EPC1: variants seen among roughly 807,000 people sequenced by gnomAD.
EPC1 encodes the protein enhancer of polycomb 1, also known as enhancer of polycomb homolog 1.
EPC1 carries 12 observed loss-of-function variants against 98.4 expected under a neutral mutation model. The observed-to-expected ratio is 0.12, with a 90% CI of 0.08 to 0.20. EPC1 has a LOEUF of 0.20. EPC1 is among the 10% of genes least tolerant of loss of function. The pLI, the probability that EPC1 is intolerant of heterozygous loss-of-function variation, is 1.00. For synonymous variants in EPC1, 357 were observed against 363.9 expected, an observed-to-expected ratio of 0.98 and a Z score of 0.21; for missense variants, 729 against 990.5, an observed-to-expected ratio of 0.74 and a Z score of 3.54.
chr10:32,335,578 CTTT>C (rs1316279996), intron 1 of EPC1, among the ~76,000 whole-genome samples: 8 of 152,092 alleles, frequency 5.3e-5, no homozygotes, highest in African/African-American at 1.4e-4. Context: ...CCCATTTCTT[CTTT>C]GTTGTCCCTT....
chr10:32,317,893 T>C (rs1245806571), intron 1 of EPC1, among the ~76,000 whole-genome samples: 2 of 152,206 alleles, frequency 1.3e-5, no homozygotes, highest in African/African-American at 4.8e-5. Context: ...GTTATTTCTC[T>C]TCAGTGTGAA....
Position 32,268,226 on chromosome 10 carries a change from G to A in EPC1, c.*837C>T, listed in dbSNP as rs886635858. On this transcript the variant is annotated 3_prime_UTR_variant, in exon 14 of 14. Transcript: ENST00000319778. ...TTGCATACTTGATTTAACACTTTTT[G>A]GTGTGGAAGGAAATGGGACTACTGG... is the stretch of plus-strand genomic sequence containing the variant. The A allele has an allele frequency of 6.6e-6, 1 of 152,064 alleles. No individual in the cohort carries two copies. The highest frequency in any genetic ancestry group is 2.4e-5 in the African/African-American group (1 of 41,390). 9.4% of individuals were successfully genotyped at this position (152,064 alleles called of 1,614,324 possible).
chr10:32,291,014 T>C (rs1592555353), intron 6 of EPC1, 149 bp downstream of exon 6: 1 of 623,938 alleles, frequency 1.6e-6, no homozygotes, highest in South Asian at 2.2e-5. Context: ...TGACCTCAGG[T>C]GATCTACCCA....
intron 2 of EPC1, among the ~76,000 whole-genome samples, chr10:32,305,370 A>C (rs1242988621): frequency 6.6e-6 from 1 of 152,258 alleles, no homozygotes; most frequent in African/African-American, 2.4e-5. Context: ...AGAATGACCC[A>C]CAGAGTCTAC....
At chr10:32,369,857 C>G (rs1592643208) in intron 1 of EPC1, among the ~76,000 whole-genome samples, 1 of 152,094 alleles carries the variant, frequency 6.6e-6, no homozygotes, top group East Asian at 1.9e-4. Flanking sequence ...TTACAAAGTA[C>G]TAAAGAAGGC....
In EPC1 at chr10:32,364,001, C is replaced by CCTTTTTTTTTTTTTTTTTTTTTTTT. The variant is rs770520611; in HGVS notation, c.3+14489_3+14490insAAAAAAAAAAAAAAAAAAAAAAAAG. Among the ~76,000 whole-genome samples the CCTTTTTTTTTTTTTTTTTTTTTTTT allele has an allele frequency of 4.8e-4, 30 of 61,858 alleles. 14 individuals carry two copies. Among genetic ancestry groups the CCTTTTTTTTTTTTTTTTTTTTTTTT allele is most frequent in the Admixed American group, 7.3e-4 (3 of 4,120 alleles). 40.6% of individuals were successfully genotyped at this position (61,858 alleles called of 152,430 possible). On this transcript the variant is annotated intron_variant, in intron 1 of 13. Transcript: ENST00000375110. ...AATAGTATCGTGTCCATCATGTTGG[C>CCTTTTTTTTTTTTTTTTTTTTTTTT]ATTTTTTTTTTTTTTTTTTTTTTTT...
Position 32,286,965 on chromosome 10 carries a change from A to G in EPC1, c.1203T>C (p.Pro401=), listed in dbSNP as rs1592548930. The change falls in exon 8 of 14, where the codon CCT becomes CCC. Residue 401 remains proline, a synonymous_variant. Transcript: ENST00000319778. ...AGCCTGCTTTCCTACGGAAAGCAAA[A>G]GGACCATCAGGATCATTGTCTTCCT... ...EAEEDNDPDG[P]FAFRRKAGCQ... is the part of the protein sequence containing the mutation. 3.1e-6 allele frequency: 5 copies of G among 1,613,936 alleles called. No individual in the cohort carries two copies. The highest frequency in any genetic ancestry group is 4.2e-6 in the Non-Finnish European group (5 of 1,179,974).
intron 1 of EPC1, among the ~76,000 whole-genome samples, chr10:32,319,071 T>A (rs1439763253): frequency 2.0e-5 from 3 of 152,240 alleles, no homozygotes; most frequent in Admixed American, 6.5e-5. Flanking sequence ...TACTGTTCCC[T>A]GCCTCTAACT....
intron 1 of EPC1, among the ~76,000 whole-genome samples, chr10:32,361,191 G>T (rs1182581268): frequency 6.6e-6 from 1 of 152,182 alleles, no homozygotes; most frequent in Admixed American, 6.5e-5. Context: ...AAAAGGTCTG[G>T]CTCTGGAGTC....
chr10:32,315,310 T>C (rs1430740119), intron 1 of EPC1, among the ~76,000 whole-genome samples: 1 of 152,218 alleles, frequency 6.6e-6, no homozygotes, highest in East Asian at 1.9e-4. Flanking sequence ...ACTTGCTCTA[T>C]AATAAATTAT....
intron 2 of EPC1, among the ~76,000 whole-genome samples, chr10:32,301,096 GCCTA>G (rs796639823): frequency 3.4e-5 from 5 of 146,234 alleles, no homozygotes; most frequent in Non-Finnish European, 7.6e-5. Context: ...CTATCTGCCT[GCCTA>G]CCTACCTACG....
intron 11 of EPC1, 141 bp from the exon 12 acceptor site, chr10:32,272,308 G>A (rs1835887971): frequency 1.6e-6 from 1 of 618,042 alleles, no homozygotes; most frequent in East Asian, 2.9e-5. Flanking sequence ...GGTACCTTGA[G>A]ATGCAACAGT....
chr10:32,371,063 G>GT (rs370942663), intron 1 of EPC1, among the ~76,000 whole-genome samples: 6 of 152,130 alleles, frequency 3.9e-5, no homozygotes, highest in African/African-American at 1.4e-4. Flanking sequence ...GAATTTGCTG[G>GT]TTTTTTCCTC....
chr10:32,304,968 T>C (rs1835792242), intron 2 of EPC1, among the ~76,000 whole-genome samples: 1 of 149,420 alleles, frequency 6.7e-6, no homozygotes, highest in Admixed American at 6.7e-5. Context: ...CTCTTGATCA[T>C]AAAGATTAAC....
intron 1 of EPC1, among the ~76,000 whole-genome samples, chr10:32,318,634 C>T (rs930766100): frequency 8.5e-5 from 13 of 152,212 alleles, no homozygotes; most frequent in African/African-American, 3.1e-4. Flanking sequence ...TCCTGACCTA[C>T]GTCAGCAAGT....
At chr10:32,278,361 GTTT>G (rs1188632386) in intron 10 of EPC1, among the ~76,000 whole-genome samples, 1 of 122,632 alleles carries the variant, frequency 8.2e-6, no homozygotes, top group African/African-American at 3.1e-5. Context: ...GTATACTTTG[GTTT>G]TTTTTTGTTT....
intron 1 of EPC1, among the ~76,000 whole-genome samples, chr10:32,371,725 C>G (rs937425994): frequency 1.3e-5 from 2 of 151,994 alleles, no homozygotes; most frequent in African/African-American, 4.8e-5. Context: ...ATGGTGAAAC[C>G]TCATCTCTAC....
chr10:32,320,066 AAG>A (rs758177051), intron 1 of EPC1, among the ~76,000 whole-genome samples: 12 of 152,306 alleles, frequency 7.9e-5, no homozygotes, highest in African/African-American at 2.6e-4. Context: ...ACATATGAGA[AAG>A]AGAATAAAGC....
At chr10:32,328,540 A>C (rs1189417177) in intron 1 of EPC1, among the ~76,000 whole-genome samples, 1 of 152,238 alleles carries the variant, frequency 6.6e-6, no homozygotes. Context: ...CAATGAGGGC[A>C]TATTTTCCAA....
Sources: gnomAD v4.1 joint callset for allele counts (sites outside exome capture counted in the v4.1 genomes callset) on GRCh38, gnomAD v4.1.1 for gene constraint, MANE v1.5 for transcripts, NCBI Gene and HGNC (gene_info 2026-07-23, HGNC 2026-07-21) for gene names.